RTTN: variants seen among roughly 807,000 people sequenced by gnomAD.
RTTN encodes rotatin.
RTTN carries 182 observed loss-of-function variants against 269.2 expected under a neutral mutation model. The ratio of observed to expected loss-of-function variants is 0.68; its 90% confidence interval spans 0.60 to 0.76. The LOEUF is 0.76. Among genes scored for constraint, RTTN ranks in the 30% least tolerant of loss-of-function variants. The pLI is 0.00. For missense variants in RTTN, 2,545 were observed against 2,608.6 expected (o/e 0.98, Z 0.53); for synonymous variants, 1,006 against 963.5 (o/e 1.04, Z -0.82).
chr18:70,193,596 A>T (rs1344427678), intron 7 of RTTN, 143 bp from the exon 8 acceptor site: 9 of 596,444 alleles, frequency 1.5e-5, no homozygotes, highest in Non-Finnish European at 2.4e-5. Context: ...AAAAGCAAAG[A>T]TCAAACTTTT....
intron 10 of RTTN, among the ~76,000 whole-genome samples, chr18:70,186,121 G>A (rs2146057641): frequency 6.7e-6 from 1 of 149,760 alleles, no homozygotes; most frequent in Middle Eastern, 3.5e-3. Flanking sequence ...TGTTGAAGAT[G>A]TGGAACAACT....
At chr18:70,035,273 G>C (rs2057137015) in intron 40 of RTTN, among the ~76,000 whole-genome samples, 1 of 152,112 alleles carries the variant, frequency 6.6e-6, no homozygotes, top group African/African-American at 2.4e-5. Context: ...TAAGCAAAAA[G>C]AAAAAAGCTG....
At chr18:70,063,165 T>C (rs1487889702) in intron 35 of RTTN, among the ~76,000 whole-genome samples, 4 of 152,182 alleles carry the variant, frequency 2.6e-5, no homozygotes, top group Non-Finnish European at 5.9e-5. Flanking sequence ...AGTTTTGTTA[T>C]CTATTGCCAA....
At chr18:70,175,633 CAA>C (rs10710822) in intron 11 of RTTN, among the ~76,000 whole-genome samples, 763 of 143,560 alleles carry the variant, frequency 5.3e-3, no homozygotes, top group East Asian at 0.027. Flanking sequence ...TGCATGGGAC[CAA>C]AAAAAAAAAA....
chr18:70,175,005 G>A (rs1249701429), intron 11 of RTTN, among the ~76,000 whole-genome samples: 1 of 136,978 alleles, frequency 7.3e-6, no homozygotes, highest in Non-Finnish European at 1.5e-5. Flanking sequence ...TCCAGCCTGG[G>A]TGACAGAGTG....
intron 28 of RTTN, among the ~76,000 whole-genome samples, chr18:70,100,787 G>A (rs944374476): frequency 6.6e-6 from 1 of 152,136 alleles, no homozygotes. Flanking sequence ...TTAGCATGAA[G>A]GGCTGTTGAA....
chr18:70,096,449 G>T (rs1393549064), intron 28 of RTTN, among the ~76,000 whole-genome samples: 5 of 152,154 alleles, frequency 3.3e-5, no homozygotes, highest in Admixed American at 3.3e-4. Flanking sequence ...TCTACCTTTG[G>T]TCTTTGATGT....
intron 26 of RTTN, among the ~76,000 whole-genome samples, chr18:70,117,075 A>G (rs1016483454): frequency 6.6e-6 from 1 of 152,120 alleles, no homozygotes; most frequent in African/African-American, 2.4e-5. Flanking sequence ...GATAAAACAC[A>G]TGGAAAAAAA....
chr18:70,096,483 T>C (rs1451015148), intron 28 of RTTN, among the ~76,000 whole-genome samples: 1 of 152,202 alleles, frequency 6.6e-6, no homozygotes, highest in Admixed American at 6.5e-5. Flanking sequence ...ATGGGGTCTC[T>C]GAGTGGAAGT....
At chr18:70,166,445 G>A (rs1694492794) in intron 13 of RTTN, 1 of 276,440 alleles carries the variant, frequency 3.6e-6, no homozygotes, top group African/African-American at 2.2e-5. Flanking sequence ...TCACATCACA[G>A]AATTTATTCT....
intron 14 of RTTN, among the ~76,000 whole-genome samples, chr18:70,153,105 C>T (rs2060581686): frequency 6.6e-6 from 1 of 152,112 alleles, no homozygotes; most frequent in African/African-American, 2.4e-5. Flanking sequence ...TTCTCCCTCC[C>T]TCCCTAGCCA....
At chr18:70,013,229 C>G (rs1392517708) in intron 46 of RTTN, among the ~76,000 whole-genome samples, 2 of 152,178 alleles carry the variant, frequency 1.3e-5, no homozygotes, top group East Asian at 3.8e-4. Context: ...GGGAGGGTGA[C>G]TTCCTTATGT....
At chr18:70,107,943 C>A (rs941830964) in intron 28 of RTTN, among the ~76,000 whole-genome samples, 1 of 152,190 alleles carries the variant, frequency 6.6e-6, no homozygotes, top group Admixed American at 6.5e-5. Context: ...GGCTGACACA[C>A]ATAAAAAGAA....
chr18:70,098,521 C>T (rs929189208), intron 28 of RTTN, among the ~76,000 whole-genome samples: 3 of 152,048 alleles, frequency 2.0e-5, no homozygotes, highest in African/African-American at 7.2e-5. Context: ...GAAATATTAT[C>T]ATTAACTCTT....
chr18:70,190,498 C>T (rs1278609001), intron 9 of RTTN, 40 bp downstream of exon 9: 1 of 1,481,672 alleles, frequency 6.7e-7, no homozygotes, highest in African/African-American at 1.4e-5. Flanking sequence ...ACAAAACAGA[C>T]ACAAATTATA....
chr18:70,149,147 T>C, intron 16 of RTTN, 110 bp from the exon 17 acceptor site: 1 of 865,942 alleles, frequency 1.2e-6, no homozygotes, highest in Non-Finnish European at 1.8e-6. Context: ...TGTCTTTGGA[T>C]TCAGTTGAAT....
Position 70,121,590 on chromosome 18 carries a change from A to T in RTTN, c.3494T>A (p.Leu1165His), listed in dbSNP as rs1180047789. 8 of 1,577,344 alleles carry T rather than the reference A, an allele frequency of 5.1e-6. No individual in the cohort carries two copies. The African/African-American group carries it at 9.7e-5, about 19-fold the overall frequency. ...KEQRKNSSLE[L>H]LNWILELLLR... ...AAGTAATTCGAGAATCCAGTTTAGA[A>T]GTTCTAGTGAAGAATTTTTTCTTTG... The change falls in exon 26 of 49, where the codon CTT becomes CAT. Residue 1165 changes from leucine (L) to histidine (H), a missense_variant. Physicochemically the swap from Leu to His is moderately conservative, Grantham distance 99. Coordinates refer to ENST00000640769, the MANE Select transcript of RTTN (RefSeq NM_173630.4).
intron 13 of RTTN, chr18:70,166,658 C>A: frequency 3.1e-6 from 1 of 322,626 alleles, no homozygotes; most frequent in Non-Finnish European, 5.6e-6. Flanking sequence ...GGATGGATAC[C>A]AAAAACAAAT....
chr18:70,182,506 A>T (rs1480201291), intron 10 of RTTN, among the ~76,000 whole-genome samples: 11 of 152,092 alleles, frequency 7.2e-5, no homozygotes, highest in Admixed American at 7.2e-4. Flanking sequence ...GGAGGAAGGG[A>T]GAGGGGAAGG....
Sources: gnomAD v4.1 joint callset for allele counts (sites outside exome capture counted in the v4.1 genomes callset) on GRCh38, gnomAD v4.1.1 for gene constraint, MANE v1.5 for transcripts, NCBI Gene and HGNC (gene_info 2026-07-23, HGNC 2026-07-21) for gene names.